Variants in CDH12 observed in about 807,000 individuals in gnomAD.
The protein encoded by CDH12 is cadherin 12, also known as cadherin-12.
CDH12 carries 41 observed loss-of-function variants against 74.1 expected under a neutral mutation model. That is an observed-to-expected ratio of 0.55 (90% CI 0.43 to 0.72). The LOEUF is 0.72. CDH12 is among the 30% of genes least tolerant of loss of function. The pLI, the probability that CDH12 is intolerant of heterozygous loss-of-function variation, is 0.00. For synonymous variants in CDH12, 399 were observed against 355.0 expected, an observed-to-expected ratio of 1.12 and a Z score of -1.39; for missense variants, 945 against 977.2, an observed-to-expected ratio of 0.97 and a Z score of 0.44.
chr5:22,198,254 T>C (rs1351514447), intron 4 of CDH12, among the ~76,000 whole-genome samples: 1 of 152,110 alleles, frequency 6.6e-6, no homozygotes, highest in Middle Eastern at 3.4e-3. Flanking sequence ...AACGTACTGA[T>C]AGTGTTGGCT....
chr5:22,674,433 C>T (rs1741062582), intron 1 of CDH12, among the ~76,000 whole-genome samples: 1 of 152,134 alleles, frequency 6.6e-6, no homozygotes, highest in South Asian at 2.1e-4. Context: ...AACGGTAAGT[C>T]CATTAAACCT....
intron 5 of CDH12, among the ~76,000 whole-genome samples, chr5:22,058,327 G>A (rs1170191267): frequency 6.6e-6 from 1 of 152,136 alleles, no homozygotes; most frequent in African/African-American, 2.4e-5. Context: ...AAAGTGCTGG[G>A]ATTACAGGCA....
In CDH12 at chr5:21,765,164, A is replaced by C. The variant is rs1022735556; in HGVS notation, c.1394-65T>G. ...CCGGTCAGTTATTGCTTCTACAATAAATAGTATTTACATTTTTAAAAATCA... is the reference window on the plus strand; with the variant it reads ...CCGGTCAGTTATTGCTTCTACAATACATAGTATTTACATTTTTAAAAATCA... On this transcript the variant is annotated intron_variant, in intron 11 of 14. Transcript: ENST00000382254. 4.6e-6 allele frequency: 6 copies of C among 1,298,616 alleles called. No individual in the cohort carries two copies. The African/African-American group carries it at 9.2e-5, about 20-fold the overall frequency. 80.4% of individuals were successfully genotyped at this position (1,298,616 alleles called of 1,614,324 possible).
At chr5:22,002,717 C>T (rs1736676232) in intron 5 of CDH12, among the ~76,000 whole-genome samples, 1 of 151,912 alleles carries the variant, frequency 6.6e-6, no homozygotes, top group South Asian at 2.1e-4. Flanking sequence ...TAACATGTCA[C>T]ATATCTCCAT....
intron 4 of CDH12, among the ~76,000 whole-genome samples, chr5:22,129,444 G>T (rs1194364497): frequency 6.6e-6 from 1 of 152,076 alleles, no homozygotes; most frequent in Middle Eastern, 3.2e-3. Context: ...CAGGAAATGA[G>T]AAAAATCTCA....
intron 8 of CDH12, among the ~76,000 whole-genome samples, chr5:21,817,581 T>G (rs1165963448): frequency 6.6e-6 from 1 of 151,968 alleles, no homozygotes; most frequent in Non-Finnish European, 1.5e-5. Flanking sequence ...ATATAGAAAG[T>G]TGAGGTTATA....
chr5:21,833,064 A>G (rs1419686536), intron 8 of CDH12, among the ~76,000 whole-genome samples: 1 of 84,880 alleles, frequency 1.2e-5, no homozygotes, highest in Admixed American at 2.1e-4. Context: ...TATGTTATAT[A>G]ACATATAATA....
intron 6 of CDH12, among the ~76,000 whole-genome samples, chr5:21,894,304 G>A (rs965137879): frequency 2.0e-5 from 3 of 151,256 alleles, no homozygotes; most frequent in South Asian, 2.1e-4. Context: ...GCTTGAACCC[G>A]GGAGGCGGAG....
chr5:22,503,556 T>C (rs1381116136), intron 2 of CDH12, among the ~76,000 whole-genome samples: 1 of 152,050 alleles, frequency 6.6e-6, no homozygotes, highest in Non-Finnish European at 1.5e-5. Flanking sequence ...AAAAAGAAAA[T>C]AATTTCAAGC....
chr5:21,898,754 G>A (rs1184726215), intron 6 of CDH12, among the ~76,000 whole-genome samples: 1 of 151,868 alleles, frequency 6.6e-6, no homozygotes. Context: ...TATTTGAGAA[G>A]AGACAATTGT....
chr5:22,166,371 T>C lies in CDH12; in HGVS notation c.-187+46127A>G, dbSNP rs563590807. Among the ~76,000 whole-genome samples the C allele has an allele frequency of 2.6e-5, 4 of 152,328 alleles. No homozygotes were observed. The South Asian group carries it at 8.3e-4, about 32-fold the overall frequency. ...TAGCTGTTCATTTATATTGGACATCTGGTCATCCCTTGAATAGAAGTCAAT... is the reference window on the plus strand; with the variant it reads ...TAGCTGTTCATTTATATTGGACATCCGGTCATCCCTTGAATAGAAGTCAAT... On this transcript the variant is annotated intron_variant, in intron 4 of 14. Coordinates refer to ENST00000382254, the MANE Select transcript of CDH12 (RefSeq NM_004061.5).
At chr5:22,481,260 A>G (rs1229391848) in intron 2 of CDH12, among the ~76,000 whole-genome samples, 3 of 152,218 alleles carry the variant, frequency 2.0e-5, no homozygotes, top group African/African-American at 4.8e-5. Context: ...GGAATGTAAA[A>G]TGGTTCAGCT....
At chr5:22,700,316 T>A (rs1742648953) in intron 1 of CDH12, among the ~76,000 whole-genome samples, 1 of 152,214 alleles carries the variant, frequency 6.6e-6, no homozygotes, top group African/African-American at 2.4e-5. Context: ...GTGTTGAATG[T>A]TGCAGGTTGC....
intron 6 of CDH12, among the ~76,000 whole-genome samples, chr5:21,873,662 G>A (rs1215340042): frequency 2.0e-5 from 3 of 152,176 alleles, no homozygotes; most frequent in Non-Finnish European, 2.9e-5. Flanking sequence ...TGGAGGACAT[G>A]TGCAGGATGT....
intron 1 of CDH12, among the ~76,000 whole-genome samples, chr5:22,696,370 C>CAA (rs1313736569): frequency 0.035 from 3,358 of 95,424 alleles, 98 homozygotes; most frequent in Non-Finnish European, 0.046. Flanking sequence ...GACTCCGTCT[C>CAA]AAAAAAAAAA....
At chr5:21,916,702 A>C (rs1035541509) in intron 6 of CDH12, among the ~76,000 whole-genome samples, 3 of 152,088 alleles carry the variant, frequency 2.0e-5, no homozygotes, top group Admixed American at 2.0e-4. Context: ...TTGAAGAAAA[A>C]AGGCCAAGTT....
intron 1 of CDH12, among the ~76,000 whole-genome samples, chr5:22,755,508 C>T (rs912543112): frequency 3.3e-5 from 5 of 151,958 alleles, no homozygotes; most frequent in African/African-American, 7.2e-5. Context: ...TTTACTATCA[C>T]GAGCAAAGTA....
intron 3 of CDH12, among the ~76,000 whole-genome samples, chr5:22,275,395 C>T (rs1736589799): frequency 6.6e-6 from 1 of 151,802 alleles, no homozygotes; most frequent in African/African-American, 2.4e-5. Flanking sequence ...AACAGTAAAC[C>T]TAAGAATCTA....
intron 1 of CDH12, among the ~76,000 whole-genome samples, chr5:22,781,424 TTTC>T (rs1442622953): frequency 6.6e-6 from 1 of 152,132 alleles, no homozygotes; most frequent in African/African-American, 2.4e-5. Flanking sequence ...CGATGCCCCT[TTTC>T]TTCTTCTTTC....
Sources: allele counts gnomAD v4.1 joint callset (sites outside exome capture counted in the v4.1 genomes callset), GRCh38; gene constraint gnomAD v4.1.1; transcripts MANE v1.5; gene names NCBI Gene and HGNC (gene_info 2026-07-23, HGNC 2026-07-21).